SEPTIN2: variants seen among roughly 807,000 people sequenced by gnomAD.
The protein encoded by SEPTIN2 is septin 2.
SEPTIN2 carries 34 observed loss-of-function variants against 46.5 expected under a neutral mutation model. The ratio of observed to expected loss-of-function variants is 0.73; its 90% CI spans 0.56 to 0.97. The LOEUF (loss-of-function observed/expected upper bound fraction) is 0.97, where lower values mean the gene tolerates loss of function less well. Ranked by LOEUF, SEPTIN2 falls within the 50% of genes least tolerant of loss-of-function variation. The pLI is 0.00. For missense variants in SEPTIN2, 347 were observed against 448.4 expected (o/e 0.77, Z 2.04); for synonymous variants, 175 against 153.4 (o/e 1.14, Z -1.04).
chr2:241,337,906 A>G, intron 7 of SEPTIN2, 116 bp downstream of exon 7: 1 of 611,646 alleles, frequency 1.6e-6, no homozygotes. Context: ...AGGGCGGGAG[A>G]ATTTTTCCTG....
At chr2:241,350,447 T>G (rs569489019) in intron 12 of SEPTIN2, among the ~76,000 whole-genome samples, 1 of 152,336 alleles carries the variant, frequency 6.6e-6, no homozygotes, top group East Asian at 1.9e-4. Flanking sequence ...CAACTTTTAT[T>G]TTATTGGGGT....
rs761136864 is a variant in SEPTIN2 at position 241,346,149 on chromosome 2, T to C, written c.843-17T>C. ...ATGTGCATGATGCCACCTTGGTGCA[T>C]TCCTCTTCTCTTTCAGCACCCACAT... On this transcript the variant is annotated splice_polypyrimidine_tract_variant and intron_variant, in intron 9 of 12. Transcript: ENST00000391971. The C allele has an allele frequency of 1.2e-6, 2 of 1,605,666 alleles. No individual in the cohort carries two copies. Among genetic ancestry groups the C allele is most frequent in the Non-Finnish European group, 1.7e-6 (2 of 1,172,598 alleles).
rs1417893647 is a variant in SEPTIN2, at chr2:241,353,881, T to C, written c.*1944T>C. On this transcript the variant is annotated 3_prime_UTR_variant, in exon 13 of 13. Coordinates refer to ENST00000391971, the MANE Select transcript of SEPTIN2 (RefSeq NM_004404.5). ...GTTTTACTACCCAAATCTAAATAGA[T>C]ACTTTTGATAATAGATAACTGCTCT... 1 of 153,080 alleles carries C rather than the reference T, an allele frequency of 6.5e-6. No homozygotes were observed. Among genetic ancestry groups the C allele is most frequent in the South Asian group, 2.1e-4 (1 of 4,834 alleles). 9.5% of individuals were successfully genotyped at this position (153,080 alleles called of 1,614,324 possible).
At position 241,349,694 on chromosome 2, in the gene SEPTIN2, G is replaced by T. The variant is rs575620272; in HGVS notation, c.985-379G>T. ...AAATCAGCTGGGCGTGGTGGTGTGT[G>T]CCTGTAATCCCAGCTACTCAGGAGG... On this transcript the variant is annotated intron_variant, in intron 11 of 12. Coordinates refer to ENST00000391971, the MANE Select transcript of SEPTIN2 (RefSeq NM_004404.5). Among the ~76,000 whole-genome samples, 3 of 151,810 alleles carry T rather than the reference G, an allele frequency of 2.0e-5. No homozygotes were observed. The East Asian group carries it at 5.9e-4, about 30-fold the overall frequency.
chr2:241,337,602 A>C (rs2080246860), intron 6 of SEPTIN2, 71 bp from the exon 7 acceptor site: 2 of 1,578,342 alleles, frequency 1.3e-6, no homozygotes, highest in East Asian at 2.2e-5. Flanking sequence ...ATAAGAATTA[A>C]GATAATTTGA....
At chr2:241,320,415 T>C in intron 1 of SEPTIN2, 1 of 415,234 alleles carries the variant, frequency 2.4e-6, no homozygotes, top group Non-Finnish European at 4.9e-6. Context: ...TTGCTACATG[T>C]AGTCTTCTCT....
intron 1 of SEPTIN2, chr2:241,316,718 A>C: frequency 2.1e-6 from 1 of 471,584 alleles, no homozygotes; most frequent in East Asian, 3.5e-5. Flanking sequence ...TTTTCGGTCT[A>C]ATTCTTGTCA....
intron 9 of SEPTIN2, 92 bp from the exon 10 acceptor site, chr2:241,346,074 C>T (rs2060205508): frequency 2.5e-6 from 2 of 807,200 alleles, no homozygotes; most frequent in African/African-American, 3.5e-5. Flanking sequence ...TTAATTACTG[C>T]TATTTCTTCT....
chr2:241,343,488 ACT>A (rs1307116777), intron 8 of SEPTIN2, among the ~76,000 whole-genome samples: 1 of 150,796 alleles, frequency 6.6e-6, no homozygotes, highest in African/African-American at 2.5e-5. Context: ...ACAGAGCAAG[ACT>A]CTGTCTCAAA....
intron 3 of SEPTIN2, among the ~76,000 whole-genome samples, chr2:241,330,781 G>A (rs551214412): frequency 6.6e-6 from 1 of 152,338 alleles, no homozygotes; most frequent in South Asian, 2.1e-4. Flanking sequence ...AATACATGAT[G>A]CAACATTCAA....
intron 9 of SEPTIN2, among the ~76,000 whole-genome samples, chr2:241,345,184 A>G (rs1373500636): frequency 6.6e-6 from 1 of 152,176 alleles, no homozygotes; most frequent in Admixed American, 6.5e-5. Flanking sequence ...GAGGACTTCA[A>G]AGAATGACTG....
At chr2:241,349,829 T>G (rs2060626612) in intron 11 of SEPTIN2, among the ~76,000 whole-genome samples, 1 of 152,034 alleles carries the variant, frequency 6.6e-6, no homozygotes, top group African/African-American at 2.4e-5. Flanking sequence ...TTAAGAAAAT[T>G]TATCATATTG....
intron 2 of SEPTIN2, 27 bp from the exon 3 acceptor site, chr2:241,325,962 ATTAG>A: frequency 1.9e-6 from 3 of 1,599,796 alleles, no homozygotes; most frequent in Non-Finnish European, 2.6e-6. Context: ...TAAGGTGTTT[ATTAG>A]TTTGTTTGTT....
Position 241,347,625 on chromosome 2 carries a change from G to A in SEPTIN2, c.927-509G>A, listed in dbSNP as rs145379208. Among the ~76,000 whole-genome samples the A allele has an allele frequency of 3.4e-3, 524 of 152,298 alleles. 2 individuals are homozygous for A. The highest frequency in any genetic ancestry group is 0.031 in the Middle Eastern group (9 of 294). ...TGAGTGGGTAACAGCAAGTGTTGTCGCTCAAGCTTAGAGTAAGAAAAGTCT... is the reference window on the plus strand; with the variant it reads ...TGAGTGGGTAACAGCAAGTGTTGTCACTCAAGCTTAGAGTAAGAAAAGTCT... On this transcript the variant is annotated intron_variant, in intron 10 of 12. Coordinates refer to ENST00000391971, the MANE Select transcript of SEPTIN2 (RefSeq NM_004404.5).
chr2:241,322,967 T>C (rs2077363946), intron 1 of SEPTIN2, among the ~76,000 whole-genome samples: 1 of 152,074 alleles, frequency 6.6e-6, no homozygotes, highest in South Asian at 2.1e-4. Context: ...TTGAATATTA[T>C]TGAAAATATG....
intron 11 of SEPTIN2, among the ~76,000 whole-genome samples, chr2:241,349,234 C>T (rs776038286): frequency 3.3e-5 from 5 of 151,730 alleles, no homozygotes; most frequent in Admixed American, 6.6e-5. Flanking sequence ...CCATGCATGT[C>T]GGCATGCACC....
In SEPTIN2 at chr2:241,338,417, C is replaced by G. The variant is rs138939660; in HGVS notation, c.594+627C>G. On this transcript the variant is annotated intron_variant, in intron 7 of 12. Coordinates refer to ENST00000391971, the MANE Select transcript of SEPTIN2 (RefSeq NM_004404.5). ...AAATACAAATCCCTAACTGAACATA[C>G]CGGTACGTGCATAAAAATACAAATC... Among the ~76,000 whole-genome samples, 22 of 151,250 alleles carry G rather than the reference C, an allele frequency of 1.5e-4. No individual in the cohort carries two copies. In the East Asian group the frequency reaches 4.1e-3, roughly 28 times the overall value.
intron 5 of SEPTIN2, chr2:241,336,959 T>C (rs2080108718): frequency 6.4e-6 from 1 of 155,586 alleles, no homozygotes; most frequent in Admixed American, 6.5e-5. Context: ...CCGGGCGTGG[T>C]GGCGTGTGCC....
At chr2:241,346,320 TC>T (rs1318440374) in intron 10 of SEPTIN2, 71 bp downstream of exon 10, 2 of 1,208,176 alleles carry the variant, frequency 1.7e-6, no homozygotes, top group African/African-American at 3.0e-5. Context: ...CTCTATGTGT[TC>T]AGCTCAGCCT....
Sources: gnomAD v4.1 joint callset for allele counts (sites outside exome capture counted in the v4.1 genomes callset) on GRCh38, gnomAD v4.1.1 for gene constraint, MANE v1.5 for transcripts, NCBI Gene and HGNC (gene_info 2026-07-23, HGNC 2026-07-21) for gene names.